Variants in LRP2 observed in about 807,000 individuals in gnomAD.
LRP2 encodes low-density lipoprotein receptor-related protein 2.
In LRP2, 172 loss-of-function variants were observed where a neutral mutation model predicts 531.0. The observed-to-expected ratio is 0.32, with a 90% CI of 0.29 to 0.37. The LOEUF (loss-of-function observed/expected upper bound fraction) is 0.37, where lower values mean the gene tolerates loss of function less well. Ranked by LOEUF, LRP2 falls within the 10% of genes least tolerant of loss-of-function variation. LRP2 has a pLI of 1.00. For missense variants in LRP2, 5,167 were observed against 5,868.3 expected (o/e 0.88, Z 3.90); for synonymous variants, 1,992 against 2,027.6 (o/e 0.98, Z 0.47).
intron 50 of LRP2, among the ~76,000 whole-genome samples, chr2:169,184,434 A>G (rs1687552969): frequency 6.6e-6 from 1 of 152,210 alleles, no homozygotes; most frequent in Non-Finnish European, 1.5e-5. Context: ...GTCAAATATA[A>G]GGATGTGGGG....
chr2:169,271,540 C>T (rs533987666), intron 15 of LRP2: 1 of 163,134 alleles, frequency 6.1e-6, no homozygotes, highest in African/African-American at 2.4e-5. Flanking sequence ...ATAAAAAGGA[C>T]TGCTTAAAAA....
Position 169,205,610 on chromosome 2 carries a change from T to C in LRP2, c.7584A>G (p.Thr2528=). The C allele has an allele frequency of 6.2e-7, 1 of 1,613,770 alleles. No homozygotes were observed. The highest frequency in any genetic ancestry group is 1.3e-5 in the African/African-American group (1 of 74,876). ...ATGTGGCTCTCTCGATTTTGGCATG[T>C]GTATCCCAGTCAGCCCAGTACAGGT... ...QGYLYWADWD[T]HAKIERATLG... Residue 2528 remains threonine, a synonymous_variant, in exon 41 of 79, where the codon ACA becomes ACG. Transcript: ENST00000649046.
At chr2:169,132,510 A>T (rs527926854) in intron 77 of LRP2, 64 bp downstream of exon 77, 2 of 912,708 alleles carry the variant, frequency 2.2e-6, no homozygotes, top group South Asian at 2.6e-5. Flanking sequence ...TAAGGTTAAT[A>T]AAAACCCAGT....
intron 46 of LRP2, 45 bp from the exon 47 acceptor site, chr2:169,193,937 G>C (rs1268365862): frequency 6.2e-7 from 1 of 1,613,090 alleles, no homozygotes; most frequent in Non-Finnish European, 8.5e-7. Flanking sequence ...GTGGTTTACA[G>C]TCCAGGAATC....
At chr2:169,128,971 T>A (rs1463055837) in intron 78 of LRP2, 42 bp downstream of exon 78, 1 of 1,561,700 alleles carries the variant, frequency 6.4e-7, no homozygotes, top group East Asian at 2.2e-5. Context: ...AAATAATTTC[T>A]AAGAAAAAAT....
intron 38 of LRP2, among the ~76,000 whole-genome samples, chr2:169,208,947 T>A (rs1296635359): frequency 2.0e-5 from 3 of 152,154 alleles, no homozygotes; most frequent in Admixed American, 1.3e-4. Flanking sequence ...TAAGTTAATA[T>A]AATACTGGAC....
intron 1 of LRP2, among the ~76,000 whole-genome samples, chr2:169,352,490 T>C (rs1198227396): frequency 3.3e-5 from 5 of 152,254 alleles, no homozygotes; most frequent in Admixed American, 1.3e-4. Flanking sequence ...TCTAAGTCTG[T>C]TTACAAAACT....
chr2:169,351,349 C>T (rs1033909820), intron 1 of LRP2, among the ~76,000 whole-genome samples: 3 of 151,718 alleles, frequency 2.0e-5, no homozygotes, highest in East Asian at 1.9e-4. Context: ...AAAGTGGAAC[C>T]GAAAAAATAG....
intron 66 of LRP2, 104 bp downstream of exon 66, chr2:169,154,356 G>T: frequency 9.2e-7 from 1 of 1,091,574 alleles, no homozygotes; most frequent in Non-Finnish European, 1.4e-6. Context: ...CTCCACTAAT[G>T]CAACAAAATT....
intron 16 of LRP2, among the ~76,000 whole-genome samples, chr2:169,264,360 T>C (rs1427330883): frequency 3.3e-5 from 5 of 152,072 alleles, no homozygotes; most frequent in Non-Finnish European, 5.9e-5. Context: ...AGAAGGAAGC[T>C]GACCTGTGGA....
intron 1 of LRP2, among the ~76,000 whole-genome samples, chr2:169,347,025 A>C (rs1336671446): frequency 6.6e-6 from 1 of 152,194 alleles, no homozygotes; most frequent in Admixed American, 6.5e-5. Flanking sequence ...ATTCCCCAGA[A>C]AAGGAAGTTG....
In LRP2 at chr2:169,226,506, A is replaced by G; in HGVS notation, c.5310T>C (p.Ala1770=). 1 of 1,612,948 alleles carries G rather than the reference A, an allele frequency of 6.2e-7. No homozygotes were observed. Among genetic ancestry groups the G allele is most frequent in the African/African-American group, 1.3e-5 (1 of 75,040 alleles). ...SLNPEVKSND[A]MVPIAGIQNG... is the part of the protein sequence containing the mutation. ...TCTGTATCCCTGCTATGGGGACCATAGCATCATTGCTCTTCACCTCAGGAT... is the reference window on the plus strand; with the variant it reads ...TCTGTATCCCTGCTATGGGGACCATGGCATCATTGCTCTTCACCTCAGGAT... The change falls in exon 32 of 79, where the codon GCT becomes GCC. Residue 1770 remains alanine (A), a synonymous_variant. Transcript: ENST00000649046.
chr2:169,178,988 T>TTG (rs1558998446), intron 52 of LRP2, among the ~76,000 whole-genome samples: 5 of 126,688 alleles, frequency 3.9e-5, no homozygotes, highest in African/African-American at 9.1e-5. Context: ...CCATCTGATT[T>TTG]ATTTATTTAT....
Position 169,259,088 on chromosome 2 carries a change from G to T in LRP2, c.2450C>A (p.Thr817Lys). Residue 817 changes from threonine (T) to lysine (K), a missense_variant, in exon 17 of 79, where the codon ACG (threonine) becomes AAG (lysine). Physicochemically the swap from Thr to Lys is moderately conservative, Grantham distance 78. This residue lies in a region of LRP2 where 2,811 missense variants were observed against 3,058.0 expected (regional missense o/e 0.92). Transcript: ENST00000649046. ...SISVMRLADKTRRTVVQYLNN... is the reference protein window; with the variant it reads ...SISVMRLADKKRRTVVQYLNN... ...TAAATACTGAACTACTGTGCGTCTC[G>T]TTTTATCAGCTAGCCTCATGACACT... The T allele has an allele frequency of 6.2e-7, 1 of 1,613,336 alleles. No homozygotes were observed. The highest frequency in any genetic ancestry group is 2.2e-5 in the East Asian group (1 of 44,824).
chr2:169,169,739 G>T lies in LRP2; in HGVS notation c.11460C>A (p.Ser3820=), dbSNP rs371738642. The change falls in exon 60 of 79, where the codon TCC becomes TCA. Residue 3820 remains serine, a synonymous_variant. Coordinates refer to ENST00000649046, the MANE Select transcript of LRP2 (RefSeq NM_004525.3). ...CVHSELKCDG[S]ADCLDASDEA... is the part of the protein sequence containing the mutation. ...CATCAGACGCATCCAAACAGTCAGC[G>T]GATCCATCGCATTTCAGTTCACTGT... 1 of 1,614,110 alleles carries T rather than the reference G, an allele frequency of 6.2e-7. No homozygotes were observed. The highest frequency in any genetic ancestry group is 1.1e-5 in the South Asian group (1 of 91,078).
chr2:169,172,179 A>T, intron 57 of LRP2, 45 bp from the exon 58 acceptor site: 1 of 1,612,640 alleles, frequency 6.2e-7, no homozygotes, highest in Non-Finnish European at 8.5e-7. Context: ...ATTGGCAGAG[A>T]AATGCACAAA....
At chr2:169,264,902 G>T (rs1160385588) in intron 16 of LRP2, among the ~76,000 whole-genome samples, 4 of 151,994 alleles carry the variant, frequency 2.6e-5, no homozygotes, top group Non-Finnish European at 5.9e-5. Flanking sequence ...AATGGCTATG[G>T]GTTCAAGGCA....
rs771149187 is a variant in LRP2 at position 169,176,608 on chromosome 2, A to G, written c.10394-20T>C. On this transcript the variant is annotated intron_variant, in intron 53 of 78. Coordinates refer to ENST00000649046, the MANE Select transcript of LRP2 (RefSeq NM_004525.3). ...TGCTCACTAGTGGAAAAGGAAGAAAATATGTGTTCATTTGCTGAAAGAGAG... is the reference window on the plus strand; with the variant it reads ...TGCTCACTAGTGGAAAAGGAAGAAAGTATGTGTTCATTTGCTGAAAGAGAG... 2.5e-6 allele frequency: 4 copies of G among 1,610,478 alleles called. No homozygotes were observed. Among genetic ancestry groups the G allele is most frequent in the Admixed American group, 1.7e-5 (1 of 59,986 alleles).
intron 24 of LRP2, 91 bp downstream of exon 24, chr2:169,242,865 G>A (rs1345277397): frequency 1.0e-6 from 1 of 952,946 alleles, no homozygotes; most frequent in African/African-American, 1.6e-5. Flanking sequence ...GTTTGTCTGA[G>A]TTAGGGAAAA....
Sources: gnomAD v4.1 joint callset for allele counts (sites outside exome capture counted in the v4.1 genomes callset) on GRCh38, gnomAD v4.1.1 for gene constraint, gnomAD v4.1.1 regional missense constraint, MANE v1.5 for transcripts, NCBI Gene and HGNC (gene_info 2026-07-23, HGNC 2026-07-21) for gene names.